RBMS1: variants seen among roughly 807,000 people sequenced by gnomAD.
RBMS1 encodes RNA binding motif single stranded interacting protein 1, also known as RNA-binding motif, single-stranded-interacting protein 1.
A neutral mutation model predicts 62.3 loss-of-function variants in RBMS1; 17 were observed. The ratio of observed to expected loss-of-function variants is 0.27; its 90% CI spans 0.19 to 0.41. The LOEUF (loss-of-function observed/expected upper bound fraction) is 0.41. Among genes scored for constraint, RBMS1 ranks in the 10% least tolerant of loss-of-function variants. The pLI is 1.00. For synonymous variants in RBMS1, 172 were observed against 170.0 expected (o/e 1.01, Z -0.09); for missense variants, 334 against 504.5 (o/e 0.66, Z 3.24).
At chr2:160,456,121 AAT>A (rs1426147579) in intron 1 of RBMS1, among the ~76,000 whole-genome samples, 6 of 152,250 alleles carry the variant, frequency 3.9e-5, no homozygotes, top group Admixed American at 2.6e-4. Context: ...GAGTGGAACT[AAT>A]AATTTCAGGA....
intron 7 of RBMS1, among the ~76,000 whole-genome samples, chr2:160,285,842 T>C (rs1447665920): frequency 6.6e-6 from 1 of 152,200 alleles, no homozygotes; most frequent in East Asian, 1.9e-4. Context: ...CCGAGCACGA[T>C]GGTTCACGCC....
chr2:160,294,514 A>C (rs550604803), intron 6 of RBMS1, among the ~76,000 whole-genome samples: 8 of 152,330 alleles, frequency 5.3e-5, no homozygotes, highest in African/African-American at 1.9e-4. Flanking sequence ...TGCATAGCTG[A>C]CTTCCTCCTG....
chr2:160,368,486 T>C (rs150582725), intron 1 of RBMS1, among the ~76,000 whole-genome samples: 9 of 152,198 alleles, frequency 5.9e-5, no homozygotes, highest in South Asian at 2.1e-4. Context: ...CAGTGGAAAG[T>C]TGGAGAAGCA....
intron 2 of RBMS1, among the ~76,000 whole-genome samples, chr2:160,320,629 G>A (rs1200919901): frequency 6.6e-6 from 1 of 151,994 alleles, no homozygotes; most frequent in Non-Finnish European, 1.5e-5. Flanking sequence ...AAAGAGCCTG[G>A]TACCTCCTCC....
intron 2 of RBMS1, among the ~76,000 whole-genome samples, chr2:160,360,695 C>T (rs1162586030): frequency 6.6e-6 from 1 of 152,196 alleles, no homozygotes; most frequent in African/African-American, 2.4e-5. Flanking sequence ...TGCTTTCACC[C>T]TTCATGAAAT....
intron 2 of RBMS1, among the ~76,000 whole-genome samples, chr2:160,364,387 A>T (rs1483771136): frequency 6.6e-6 from 1 of 152,184 alleles, no homozygotes; most frequent in African/African-American, 2.4e-5. Flanking sequence ...TCTTTCATTA[A>T]ATGTTTCTAG....
intron 1 of RBMS1, among the ~76,000 whole-genome samples, chr2:160,436,016 A>T (rs774105721): frequency 6.6e-6 from 1 of 152,242 alleles, no homozygotes; most frequent in African/African-American, 2.4e-5. Flanking sequence ...CATGATTGCT[A>T]CTTGACTTGA....
chr2:160,427,259 G>A (rs1682677535), intron 1 of RBMS1, among the ~76,000 whole-genome samples: 2 of 152,038 alleles, frequency 1.3e-5, no homozygotes, highest in Admixed American at 6.5e-5. Flanking sequence ...GGAAAGTAGA[G>A]GTCAATAATA....
intron 1 of RBMS1, among the ~76,000 whole-genome samples, chr2:160,454,121 A>C (rs62179065): frequency 0.025 from 3,808 of 152,334 alleles, 69 homozygotes; most frequent in Middle Eastern, 0.061. Context: ...CTACATCCAG[A>C]TCATATCTCA....
At chr2:160,318,338 C>G (rs948668838) in intron 2 of RBMS1, 111 bp from the exon 3 acceptor site, 2 of 1,384,438 alleles carry the variant, frequency 1.4e-6, no homozygotes, top group Non-Finnish European at 1.9e-6. Flanking sequence ...TTTCAAACAT[C>G]TGCAAACTTT....
intron 1 of RBMS1, among the ~76,000 whole-genome samples, chr2:160,463,383 G>A (rs987613611): frequency 6.6e-6 from 1 of 152,214 alleles, no homozygotes; most frequent in African/African-American, 2.4e-5. Context: ...ACAAGACTAA[G>A]TATTTAGGGC....
intron 2 of RBMS1, among the ~76,000 whole-genome samples, chr2:160,320,325 G>A (rs1008858355): frequency 2.0e-5 from 3 of 152,094 alleles, no homozygotes; most frequent in African/African-American, 4.8e-5. Context: ...CACAAAAATT[G>A]TCTGGGCATG....
In RBMS1 at chr2:160,455,201, C is replaced by T. The variant is rs148954642; in HGVS notation, c.75+38088G>A. On this transcript the variant is annotated intron_variant, in intron 1 of 13. Transcript: ENST00000348849. ...AAACTCAATTTTTTCATTTTTACTT[C>T]AGTTGAAAACCTGGCCTTTTCTACC... is the stretch of plus-strand genomic sequence containing the variant. 9.2e-5 allele frequency among the ~76,000 whole-genome samples: 14 copies of T among 152,292 alleles called. No homozygotes were observed. The East Asian group carries it at 2.7e-3, about 29-fold the overall frequency.
At position 160,367,303 on chromosome 2, in the gene RBMS1, C is replaced by A; in HGVS notation, c.164G>T (p.Gly55Val). ...GTTCGTTTTGCTGAGCTGATCCCATCCTGAGTTGCTACTGCTGCTACTGTT... is the reference window on the plus strand; with the variant it reads ...GTTCGTTTTGCTGAGCTGATCCCATACTGAGTTGCTACTGCTGCTACTGTT... ...NNNSSSSSNSGWDQLSKTNLY... is the reference protein window; with the variant it reads ...NNNSSSSSNSVWDQLSKTNLY... Residue 55 changes from glycine to valine, a missense_variant, in exon 2 of 14, where the codon GGA (glycine) becomes GTA (valine). Coordinates refer to ENST00000348849, the MANE Select transcript of RBMS1 (RefSeq NM_016836.4). The A allele has an allele frequency of 1.9e-6, 3 of 1,614,022 alleles. No homozygotes were observed. The highest frequency in any genetic ancestry group is 2.5e-6 in the Non-Finnish European group (3 of 1,180,002).
At chr2:160,410,269 G>T (rs1433662941) in intron 1 of RBMS1, among the ~76,000 whole-genome samples, 71 of 142,656 alleles carry the variant, frequency 5.0e-4, no homozygotes, top group Non-Finnish European at 9.2e-5. Context: ...TAAGACTAGA[G>T]AAGGATATCT....
intron 1 of RBMS1, among the ~76,000 whole-genome samples, chr2:160,405,341 T>C (rs534540298): frequency 4.1e-4 from 62 of 152,144 alleles, no homozygotes; most frequent in African/African-American, 1.4e-3. Context: ...CTGCATCATA[T>C]ACCTAAAATC....
chr2:160,485,327 T>C (rs1036724727), intron 1 of RBMS1, among the ~76,000 whole-genome samples: 2 of 152,104 alleles, frequency 1.3e-5, no homozygotes, highest in African/African-American at 2.4e-5. Flanking sequence ...TGTTGAAAGA[T>C]TGTAGAAGAA....
intron 9 of RBMS1, chr2:160,282,131 T>C: frequency 1.2e-6 from 1 of 865,006 alleles, no homozygotes; most frequent in Non-Finnish European, 1.7e-6. Flanking sequence ...AGTAATTTTA[T>C]TAAGTTTCAG....
intron 1 of RBMS1, among the ~76,000 whole-genome samples, chr2:160,464,054 A>C (rs1684578658): frequency 6.6e-6 from 1 of 152,194 alleles, no homozygotes; most frequent in Non-Finnish European, 1.5e-5. Context: ...GTATGGAGCA[A>C]AGTGCTCTCC....
Sources: allele counts gnomAD v4.1 joint callset (sites outside exome capture counted in the v4.1 genomes callset), GRCh38; gene constraint gnomAD v4.1.1; transcripts MANE v1.5; gene names NCBI Gene and HGNC (gene_info 2026-07-23, HGNC 2026-07-21).